The following ENTREP1 variants were observed in gnomAD, a reference collection of about 807,000 sequenced individuals.
The protein encoded by ENTREP1 is endosomal transmembrane epsin interactor 1, also known as Friedreich ataxia region gene X123.
chr9:69,330,143 ATTCCACTGGGTAAGGGAGTTAGCTAGG>A, the ENTREP1 span, among the ~76,000 whole-genome samples: 1 of 151,658 alleles, frequency 6.6e-6, no homozygotes, highest in South Asian at 2.1e-4. Context: ...TGTTAACTAG[ATTCCACTGGGTAAGGGAGTTAGCTAGG>A]TTCCACTGGG....
At chr9:69,325,420 GCTGCCCCCGCTGCGGCCGCGCTGGCCC>G in the ENTREP1 span, 1 of 997,840 alleles carries the variant, frequency 1.0e-6, no homozygotes, top group African/African-American at 1.7e-5. Context: ...AGGAGCCGCC[GCTGCCCCCGCTGCGGCCGCGCTGGCCC>G]CGGGGCGCGC....
the ENTREP1 span, among the ~76,000 whole-genome samples, chr9:69,385,076 A>G: frequency 6.6e-6 from 1 of 152,022 alleles, no homozygotes; most frequent in Non-Finnish European, 1.5e-5. Context: ...CACCGCCACC[A>G]TGCCCAGCTA....
At chr9:69,335,855 G>A in the ENTREP1 span, among the ~76,000 whole-genome samples, 10 of 152,368 alleles carry the variant, frequency 6.6e-5, no homozygotes, top group Middle Eastern at 3.4e-3. Context: ...GTCCTGACGT[G>A]CGCCTGTAGT....
At chr9:69,337,789 AT>A in the ENTREP1 span, among the ~76,000 whole-genome samples, 3 of 151,962 alleles carry the variant, frequency 2.0e-5, no homozygotes, top group Admixed American at 1.3e-4. Flanking sequence ...GTATACTTAA[AT>A]TTTTTTTCTC....
At chr9:69,387,770 C>A in the ENTREP1 span, 12 of 584,918 alleles carry the variant, frequency 2.1e-5, no homozygotes, top group Non-Finnish European at 3.1e-5. Flanking sequence ...ACTACTTCAT[C>A]CTCGCTCCTT....
At chr9:69,383,405 C>A in the ENTREP1 span, 1 of 1,356,038 alleles carries the variant, frequency 7.4e-7, no homozygotes, top group Non-Finnish European at 9.5e-7. Flanking sequence ...GGTTTAAAAG[C>A]AATGATGGGG....
At chr9:69,324,820 A>G in the ENTREP1 span, 2 of 984,920 alleles carry the variant, frequency 2.0e-6, no homozygotes, top group Non-Finnish European at 2.4e-6. Context: ...GTGGCTGGAC[A>G]GAGAAGGCTC....
chr9:69,385,700 G>A, the ENTREP1 span: 1 of 1,420,504 alleles, frequency 7.0e-7, no homozygotes, highest in Non-Finnish European at 9.1e-7. Context: ...GCAGGTTTAG[G>A]CTCCCAGGTG....
chr9:69,366,542 A>G, the ENTREP1 span, among the ~76,000 whole-genome samples: 1 of 151,830 alleles, frequency 6.6e-6, no homozygotes, highest in African/African-American at 2.4e-5. Context: ...TTTTAGTTTA[A>G]TATAGTCTCA....
chr9:69,356,142 C>T, the ENTREP1 span, among the ~76,000 whole-genome samples: 12 of 152,336 alleles, frequency 7.9e-5, no homozygotes, highest in African/African-American at 2.6e-4. Context: ...ATTTCCTTCT[C>T]CCCTGAAGTC....
chr9:69,383,696 G>A, the ENTREP1 span: 4 of 1,614,114 alleles, frequency 2.5e-6, no homozygotes, highest in Non-Finnish European at 3.4e-6. Context: ...GTGTGGAAGT[G>A]TTCTGTCCTC....
At chr9:69,387,075 G>A in the ENTREP1 span, 1 of 152,276 alleles carries the variant, frequency 6.6e-6, no homozygotes. Context: ...AAGAACAGCA[G>A]CTGCTGGAGC....
the ENTREP1 span, among the ~76,000 whole-genome samples, chr9:69,347,894 A>T: frequency 6.6e-6 from 1 of 152,172 alleles, no homozygotes; most frequent in African/African-American, 2.4e-5. Flanking sequence ...ATTCCATGTT[A>T]TTCAAAGGAA....
the ENTREP1 span, among the ~76,000 whole-genome samples, chr9:69,376,370 T>G: frequency 5.3e-5 from 8 of 152,196 alleles, no homozygotes; most frequent in African/African-American, 1.9e-4. Flanking sequence ...TTGAAGCACC[T>G]TAGCTCTTGT....
the ENTREP1 span, among the ~76,000 whole-genome samples, chr9:69,359,970 CTTT>C: frequency 2.3e-5 from 3 of 128,566 alleles, no homozygotes; most frequent in Admixed American, 1.6e-4. Context: ...TCTTATTTTG[CTTT>C]TTTTTTTTTT....
At chr9:69,350,590 CA>C in the ENTREP1 span, among the ~76,000 whole-genome samples, 2 of 152,246 alleles carry the variant, frequency 1.3e-5, no homozygotes, top group Non-Finnish European at 2.9e-5. Flanking sequence ...AGGTCTCATG[CA>C]TTCTTTTTCT....
At chr9:69,388,684 A>G in the ENTREP1 span, among the ~76,000 whole-genome samples, 1 of 152,150 alleles carries the variant, frequency 6.6e-6, no homozygotes, top group African/African-American at 2.4e-5. Context: ...TTTTTCTGGG[A>G]TGTGGAAGCA....
the ENTREP1 span, among the ~76,000 whole-genome samples, chr9:69,343,705 GTTT>G: frequency 6.6e-6 from 1 of 152,140 alleles, no homozygotes; most frequent in Non-Finnish European, 1.5e-5. Context: ...ATGAGAACCC[GTTT>G]TTAACATCCA....
chr9:69,338,970 T>C, the ENTREP1 span, among the ~76,000 whole-genome samples: 1 of 152,198 alleles, frequency 6.6e-6, no homozygotes, highest in Admixed American at 6.5e-5. Flanking sequence ...TATCTATTAA[T>C]AATTGGAGAC....
Sources: gnomAD v4.1 joint callset for allele counts (sites outside exome capture counted in the v4.1 genomes callset) on GRCh38, gnomAD v4.1.1 for gene constraint, MANE v1.5 for transcripts, NCBI Gene and HGNC (gene_info 2026-07-23, HGNC 2026-07-21) for gene names.